The following KCNG3 variants were observed in gnomAD, a reference collection of about 807,000 sequenced individuals.
KCNG3 encodes potassium voltage-gated channel modifier subfamily G member 3.
KCNG3 carries 15 observed loss-of-function variants against 29.0 expected under a neutral mutation model. That is an observed-to-expected ratio of 0.52 (90% CI 0.35 to 0.80). KCNG3 has a LOEUF of 0.80. Ranked by LOEUF, KCNG3 falls within the 30% of genes least tolerant of loss-of-function variation. The probability of loss-of-function intolerance (pLI) is 0.01; values close to 1 mark genes in which losing one functional copy is unlikely to be tolerated. For missense variants in KCNG3, 512 were observed against 605.7 expected (o/e 0.85, Z 1.62); for synonymous variants, 322 against 248.9 (o/e 1.29, Z -2.76).
At chr2:42,481,800 A>G (rs1328330960) in intron 1 of KCNG3, among the ~76,000 whole-genome samples, 1 of 151,924 alleles carries the variant, frequency 6.6e-6, no homozygotes, top group African/African-American at 2.4e-5. Flanking sequence ...TCACCCAGCT[A>G]TCTTCCCAGG....
chr2:42,463,469 G>C (rs1411109954), intron 1 of KCNG3: 1 of 163,154 alleles, frequency 6.1e-6, no homozygotes, highest in Non-Finnish European at 1.3e-5. Flanking sequence ...TAAGTGTGAA[G>C]CTGGAATTCA....
the KCNG3 span, among the ~76,000 whole-genome samples, chr2:42,426,082 A>C: frequency 1.3e-5 from 2 of 152,214 alleles, no homozygotes; most frequent in Non-Finnish European, 2.9e-5. Flanking sequence ...ATTTTTATAA[A>C]ATATTATTTC....
chr2:42,444,781 A>G lies in KCNG3; in HGVS notation c.666-202T>C, dbSNP rs1466643783. Among the ~76,000 whole-genome samples the G allele has an allele frequency of 1.3e-5, 2 of 152,102 alleles. No homozygotes were observed. Among genetic ancestry groups the G allele is most frequent in the African/African-American group, 2.4e-5 (1 of 41,420 alleles). ...CAAATCAATTCAGATGAAAATTGAG[A>G]CCAGGTGCAGTGGCTCATGCATGTA... On this transcript the variant is annotated intron_variant, in intron 1 of 1. Transcript: ENST00000306078. The surrounding 1 kb of genome is among the most constrained non-coding windows in gnomAD (Gnocchi z 5.8).
At chr2:42,441,352 C>A (rs1169155379), downstream of KCNG3, among the ~76,000 whole-genome samples, 1 of 152,096 alleles carries the variant, frequency 6.6e-6, no homozygotes, top group East Asian at 1.9e-4. Flanking sequence ...CACACCACTG[C>A]ACTCCAGCCT....
chr2:42,457,765 A>G (rs1288910417), intron 1 of KCNG3, among the ~76,000 whole-genome samples: 1 of 151,192 alleles, frequency 6.6e-6, no homozygotes, highest in Non-Finnish European at 1.5e-5. Flanking sequence ...GCAGTGAGCT[A>G]TGATCACACC....
At chr2:42,402,084 G>A in the KCNG3 span, among the ~76,000 whole-genome samples, 1 of 152,112 alleles carries the variant, frequency 6.6e-6, no homozygotes, top group African/African-American at 2.4e-5. Flanking sequence ...CTCATTCATG[G>A]GGATGGGCAT....
the KCNG3 span, among the ~76,000 whole-genome samples, chr2:42,413,332 C>T: frequency 6.6e-6 from 1 of 152,156 alleles, no homozygotes; most frequent in African/African-American, 2.4e-5. Context: ...GTCAGAGTCT[C>T]TGCTTTTAAT....
chr2:42,411,414 T>C, the KCNG3 span, among the ~76,000 whole-genome samples: 1 of 152,178 alleles, frequency 6.6e-6, no homozygotes, highest in Non-Finnish European at 1.5e-5. Context: ...ACGCAAAGTT[T>C]TTCCATTTGT....
chr2:42,404,216 GAAATTATCCATTCCCCTAA>G, the KCNG3 span, among the ~76,000 whole-genome samples: 1 of 152,090 alleles, frequency 6.6e-6, no homozygotes, highest in Non-Finnish European at 1.5e-5. Flanking sequence ...CATTTTCTAG[GAAATTATCCATTCCCCTAA>G]GTTTTCAAAT....
chr2:42,433,718 A>G, the KCNG3 span, among the ~76,000 whole-genome samples: 2 of 152,172 alleles, frequency 1.3e-5, no homozygotes, highest in African/African-American at 4.8e-5. Context: ...AGCCTGGGTG[A>G]CAGAACAAAA....
chr2:42,475,918 T>A (rs1452985349), intron 1 of KCNG3, among the ~76,000 whole-genome samples: 1 of 151,730 alleles, frequency 6.6e-6, no homozygotes, highest in Non-Finnish European at 1.5e-5. Context: ...AATACAAAAT[T>A]AGCCAGGAGT....
intron 1 of KCNG3, among the ~76,000 whole-genome samples, chr2:42,469,144 C>T (rs750933868): frequency 2.6e-5 from 4 of 151,838 alleles, no homozygotes; most frequent in Non-Finnish European, 4.4e-5. Flanking sequence ...GCAGGCCGGG[C>T]GCAGTGGCTC....
chr2:42,444,687 C>A lies in KCNG3; in HGVS notation c.666-108G>T. ...CTGACATACTAATTCAGTTACTTTT[C>A]CAGAAAACATAAAGAACAGACAACA... On this transcript the variant is annotated intron_variant, in intron 1 of 1. Coordinates refer to ENST00000306078, the MANE Select transcript of KCNG3 (RefSeq NM_133329.6). The surrounding 1 kb of genome is among the most constrained non-coding windows in gnomAD (Gnocchi z 5.8). The A allele has an allele frequency of 9.9e-7, 1 of 1,011,344 alleles. No homozygotes were observed. Among genetic ancestry groups the A allele is most frequent in the East Asian group, 2.4e-5 (1 of 40,832 alleles). The allele number at this position is 1,011,344 out of a possible 1,614,324, so 62.6% of individuals were successfully genotyped here. A position where few individuals can be genotyped will look rare whatever the true frequency, so the allele number is the denominator to read the frequency against.
chr2:42,460,468 C>T (rs552495877), intron 1 of KCNG3, among the ~76,000 whole-genome samples: 4 of 152,054 alleles, frequency 2.6e-5, no homozygotes, highest in South Asian at 2.1e-4. Flanking sequence ...GATATACCCT[C>T]CCTAACAACA....
chr2:42,476,243 G>A (rs577787699), intron 1 of KCNG3, among the ~76,000 whole-genome samples: 2 of 151,904 alleles, frequency 1.3e-5, no homozygotes, highest in African/African-American at 2.4e-5. Context: ...AAGCCGAGGT[G>A]GGAGGATTGC....
chr2:42,493,846 A>C lies in KCNG3; in HGVS notation c.-345T>G. ...ACCGAGGCCGCGGTGCCCTCTCCCA[A>C]GCCGCGGGGCCGACCCCCTGAGGGC... On this transcript the variant is annotated 5_prime_UTR_variant, in exon 1 of 2. Coordinates refer to ENST00000306078, the MANE Select transcript of KCNG3 (RefSeq NM_133329.6). 2.0e-5 allele frequency: 4 copies of C among 199,080 alleles called. No homozygotes were observed. Among genetic ancestry groups the C allele is most frequent in the Non-Finnish European group, 3.0e-5 (3 of 99,022 alleles). 12.3% of individuals were successfully genotyped at this position (199,080 alleles called of 1,614,324 possible). A position where few individuals can be genotyped will look rare whatever the true frequency, so the allele number is the denominator to read the frequency against.
the KCNG3 span, among the ~76,000 whole-genome samples, chr2:42,393,290 G>C: frequency 2.6e-5 from 4 of 151,572 alleles, no homozygotes; most frequent in Non-Finnish European, 5.9e-5. Flanking sequence ...CCCAGGCACG[G>C]TGGTTCAGGC....
the KCNG3 span, among the ~76,000 whole-genome samples, chr2:42,414,161 T>C: frequency 6.6e-6 from 1 of 152,246 alleles, no homozygotes; most frequent in Non-Finnish European, 1.5e-5. Flanking sequence ...CCAATTTCTC[T>C]TTTTCACCTT....
At chr2:42,447,490 T>C (rs1672629533) in intron 1 of KCNG3, among the ~76,000 whole-genome samples, 1 of 151,868 alleles carries the variant, frequency 6.6e-6, no homozygotes, top group South Asian at 2.1e-4. Context: ...GTCCACCAGA[T>C]GAACATTAAC....
Sources: allele counts gnomAD v4.1 joint callset (sites outside exome capture counted in the v4.1 genomes callset), GRCh38; gene constraint gnomAD v4.1.1; non-coding constraint Gnocchi (gnomAD v3.1); transcripts MANE v1.5; gene names NCBI Gene and HGNC (gene_info 2026-07-23, HGNC 2026-07-21).